Variants in PRKG1 observed in about 807,000 individuals in gnomAD.
The protein encoded by PRKG1 is protein kinase cGMP-dependent 1.
In PRKG1, 35 loss-of-function variants were observed where a neutral mutation model predicts 88.1. The observed-to-expected ratio is 0.40, with a 90% CI of 0.30 to 0.53. PRKG1 has a LOEUF of 0.53. PRKG1 is among the 20% of genes least tolerant of loss of function. The pLI, the probability that PRKG1 is intolerant of heterozygous loss-of-function variation, is 0.59. For synonymous variants in PRKG1, 303 were observed against 292.5 expected (o/e 1.04, Z -0.37); for missense variants, 540 against 839.8 (o/e 0.64, Z 4.41).
chr10:51,331,979 G>A (rs544136391), intron 2 of PRKG1, among the ~76,000 whole-genome samples: 1 of 152,240 alleles, frequency 6.6e-6, no homozygotes, highest in Admixed American at 6.5e-5. Context: ...CACCCATTCT[G>A]AACAAGGTAC....
At chr10:51,261,615 T>A (rs1160748080) in intron 2 of PRKG1, among the ~76,000 whole-genome samples, 2 of 152,228 alleles carry the variant, frequency 1.3e-5, no homozygotes, top group African/African-American at 4.8e-5. Flanking sequence ...TTTTGTTGTT[T>A]TTGGTCTAAT....
chr10:51,049,113 G>T (rs1044891768), intron 1 of PRKG1, among the ~76,000 whole-genome samples: 2 of 152,102 alleles, frequency 1.3e-5, no homozygotes, highest in Admixed American at 6.6e-5. Context: ...GTCCCACACC[G>T]GCAATTAACT....
At chr10:51,647,348 C>T (rs1383065331) in intron 3 of PRKG1, among the ~76,000 whole-genome samples, 2 of 152,152 alleles carry the variant, frequency 1.3e-5, no homozygotes, top group Admixed American at 1.3e-4. Flanking sequence ...AAAAGACTCA[C>T]ATTTCATGGA....
At chr10:52,293,299 G>A (rs894715813) in intron 17 of PRKG1, among the ~76,000 whole-genome samples, 4 of 151,556 alleles carry the variant, frequency 2.6e-5, no homozygotes, top group African/African-American at 4.9e-5. Context: ...ATGCTCATGG[G>A]TAGGAAGAAT....
At chr10:52,144,636 C>A (rs916775225) in intron 8 of PRKG1, among the ~76,000 whole-genome samples, 30 of 152,188 alleles carry the variant, frequency 2.0e-4, no homozygotes, top group African/African-American at 6.3e-4. Flanking sequence ...CATGGTGAAA[C>A]CCTGTCTCAA....
At chr10:51,236,995 C>T (rs551437181) in intron 2 of PRKG1, among the ~76,000 whole-genome samples, 2 of 152,194 alleles carry the variant, frequency 1.3e-5, no homozygotes, top group South Asian at 2.1e-4. Flanking sequence ...AATCAGACTT[C>T]CTGTTTTGCT....
chr10:51,955,812 G>A (rs1467522319), intron 5 of PRKG1, among the ~76,000 whole-genome samples: 2 of 151,930 alleles, frequency 1.3e-5, no homozygotes, highest in African/African-American at 4.8e-5. Context: ...TTTTTTGTTT[G>A]TTTGTTTTCT....
At chr10:51,588,919 A>G (rs1187381073) in intron 3 of PRKG1, among the ~76,000 whole-genome samples, 1 of 152,108 alleles carries the variant, frequency 6.6e-6, no homozygotes, top group Non-Finnish European at 1.5e-5. Context: ...CAATGATTCT[A>G]TGAATATTTT....
At chr10:51,582,292 G>A (rs1306743362) in intron 3 of PRKG1, among the ~76,000 whole-genome samples, 2 of 152,168 alleles carry the variant, frequency 1.3e-5, no homozygotes, top group African/African-American at 4.8e-5. Flanking sequence ...GACCTCTGCA[G>A]TGAGAGTAGC....
intron 5 of PRKG1, among the ~76,000 whole-genome samples, chr10:51,961,290 G>A (rs76979635): frequency 1.4e-4 from 21 of 152,148 alleles, no homozygotes; most frequent in South Asian, 4.2e-4. Flanking sequence ...GTTGACCCTC[G>A]TGTCCACGGG....
intron 3 of PRKG1, among the ~76,000 whole-genome samples, chr10:51,703,929 G>A (rs1589217859): frequency 1.3e-5 from 2 of 152,030 alleles, no homozygotes; most frequent in East Asian, 3.9e-4. Context: ...ATTTGGTCAG[G>A]AGTTCAAGAC....
intron 3 of PRKG1, among the ~76,000 whole-genome samples, chr10:51,533,136 T>C (rs566307396): frequency 1.3e-5 from 2 of 152,344 alleles, no homozygotes; most frequent in South Asian, 4.1e-4. Flanking sequence ...TTAGCCTCAG[T>C]GGATTTCTAT....
At chr10:51,376,164 A>G (rs1422467087) in intron 2 of PRKG1, among the ~76,000 whole-genome samples, 2 of 152,224 alleles carry the variant, frequency 1.3e-5, no homozygotes, top group Non-Finnish European at 2.9e-5. Flanking sequence ...AGCAAATGCT[A>G]CTACAACAAT....
chr10:52,272,632 C>T (rs1841761344), intron 12 of PRKG1, 151 bp downstream of exon 12: 1 of 633,770 alleles, frequency 1.6e-6, no homozygotes, highest in Non-Finnish European at 2.7e-6. Flanking sequence ...GGGCATAACC[C>T]ACTATACACA....
intron 5 of PRKG1, among the ~76,000 whole-genome samples, chr10:52,048,089 T>C (rs895968288): frequency 4.6e-5 from 7 of 152,068 alleles, no homozygotes; most frequent in Non-Finnish European, 7.4e-5. Flanking sequence ...GCAATTACCA[T>C]AGTATTGGTA....
intron 2 of PRKG1, among the ~76,000 whole-genome samples, chr10:51,160,246 A>C (rs1380122184): frequency 6.6e-6 from 1 of 152,110 alleles, no homozygotes; most frequent in African/African-American, 2.4e-5. Flanking sequence ...TAAATCTAAT[A>C]ATTTTGCACG....
chr10:51,264,197 CT>C (rs1376855774), intron 2 of PRKG1, among the ~76,000 whole-genome samples: 1 of 152,168 alleles, frequency 6.6e-6, no homozygotes, highest in Admixed American at 6.5e-5. Flanking sequence ...TGCCAAAAAG[CT>C]TTGAACCTGA....
chr10:51,355,930 C>G (rs192580985), intron 2 of PRKG1, among the ~76,000 whole-genome samples: 3 of 152,068 alleles, frequency 2.0e-5, no homozygotes, highest in Non-Finnish European at 1.5e-5. Context: ...CAGATTCTTT[C>G]TGCAGGAAAA....
chr10:51,477,736 C>T (rs76475228), intron 3 of PRKG1, among the ~76,000 whole-genome samples: 6,900 of 152,044 alleles, frequency 0.045, 243 homozygotes, highest in Middle Eastern at 0.15. Flanking sequence ...TTCGAACTTT[C>T]GTCATTTGCC....
Sources: gnomAD v4.1 joint callset for allele counts (sites outside exome capture counted in the v4.1 genomes callset) on GRCh38, gnomAD v4.1.1 for gene constraint, MANE v1.5 for transcripts, NCBI Gene and HGNC (gene_info 2026-07-23, HGNC 2026-07-21) for gene names.